CRB1: variants seen among roughly 807,000 people sequenced by gnomAD.
CRB1 encodes the protein protein crumbs homolog 1.
A neutral mutation model predicts 120.0 loss-of-function variants in CRB1; 83 were observed. The ratio of observed to expected loss-of-function variants is 0.69; its 90% confidence interval spans 0.58 to 0.83. The LOEUF is 0.83. CRB1 is among the 40% of genes least tolerant of loss of function. The pLI is 0.00. For synonymous variants in CRB1, 625 were observed against 612.5 expected (o/e 1.02, Z -0.30); for missense variants, 1,699 against 1,687.6 (o/e 1.01, Z -0.12).
chr1:197,216,310 A>G, the CRB1 span, among the ~76,000 whole-genome samples: 11 of 152,332 alleles, frequency 7.2e-5, no homozygotes, highest in African/African-American at 2.4e-4. Flanking sequence ...CTACTCACCT[A>G]TGGAACCAAA....
intron 11 of CRB1, among the ~76,000 whole-genome samples, chr1:197,462,520 G>T (rs1195382245): frequency 6.6e-6 from 1 of 152,098 alleles, no homozygotes; most frequent in African/African-American, 2.4e-5. Flanking sequence ...CCCTCAGTTT[G>T]CCCTGAAATA....
intron 5 of CRB1, among the ~76,000 whole-genome samples, chr1:197,372,386 C>T (rs2125384772): frequency 6.6e-6 from 1 of 152,286 alleles, no homozygotes; most frequent in African/African-American, 2.4e-5. Flanking sequence ...AAACGAGCAA[C>T]ACTAACCCCC....
chr1:197,461,297 C>T (rs1447512898), intron 11 of CRB1, among the ~76,000 whole-genome samples: 1 of 152,076 alleles, frequency 6.6e-6, no homozygotes. Flanking sequence ...AGTCTTCTGC[C>T]TTGAAACAGA....
At chr1:197,322,345 C>T (rs962168938) in intron 1 of CRB1, among the ~76,000 whole-genome samples, 2 of 151,854 alleles carry the variant, frequency 1.3e-5, no homozygotes, top group East Asian at 3.9e-4. Flanking sequence ...TCCCTGGAAT[C>T]CCAGCTACTC....
At chr1:197,223,969 T>C in the CRB1 span, among the ~76,000 whole-genome samples, 1 of 152,146 alleles carries the variant, frequency 6.6e-6, no homozygotes, top group East Asian at 1.9e-4. Flanking sequence ...TTTAGTTCAG[T>C]AACTTCTCCC....
intron 1 of CRB1, 99 bp from the exon 2 acceptor site, chr1:197,328,323 T>G (rs1658638164): frequency 1.1e-6 from 1 of 899,490 alleles, no homozygotes; most frequent in African/African-American, 1.7e-5. Flanking sequence ...TGTATTTTAT[T>G]AATGAGTTTG....
intron 1 of CRB1, among the ~76,000 whole-genome samples, chr1:197,286,429 T>C (rs958202903): frequency 2.0e-5 from 3 of 151,922 alleles, no homozygotes; most frequent in Non-Finnish European, 4.4e-5. Context: ...TAGAACAGAA[T>C]TAAAACTTCT....
intron 5 of CRB1, among the ~76,000 whole-genome samples, chr1:197,405,875 G>A (rs537060562): frequency 2.0e-4 from 31 of 151,650 alleles, no homozygotes; most frequent in South Asian, 6.3e-4. Flanking sequence ...GAGCGTCTCC[G>A]CCCCGCAGCC....
the CRB1 span, among the ~76,000 whole-genome samples, chr1:197,219,664 C>T: frequency 6.6e-6 from 1 of 152,228 alleles, no homozygotes; most frequent in African/African-American, 2.4e-5. Context: ...CATTACTCCT[C>T]TTAGCTTTGC....
chr1:197,427,819 A>G lies in CRB1; in HGVS notation c.2494A>G (p.Ile832Val). Residue 832 changes from isoleucine to valine, a missense_variant, in exon 7 of 12, where the codon ATT (isoleucine) becomes GTT (valine). By Grantham distance (29) the Ile-to-Val change is conservative. Coordinates refer to ENST00000367400, the MANE Select transcript of CRB1 (RefSeq NM_201253.3). ...WKIEKGDVIY[I>V]GGLPDKQETE... The stretch of plus-strand genomic sequence containing the variant: ...AATCGAAAAGGGAGATGTCATCTAC[A>G]TTGGTGGCCTACCTGACAAGCAAGA... 6.2e-7 allele frequency: 1 copy of G among 1,614,106 alleles called. No homozygotes were observed. The highest frequency in any genetic ancestry group is 2.2e-5 in the East Asian group (1 of 44,882).
At chr1:197,453,926 TTATATTATTAATAATA>T (rs1666143617) in intron 11 of CRB1, among the ~76,000 whole-genome samples, 3 of 41,668 alleles carry the variant, frequency 7.2e-5, no homozygotes, top group Admixed American at 2.5e-4. Flanking sequence ...ATTGATATTA[TTATATTATTAATAATA>T]TATATTATTG....
At chr1:197,473,994 A>G (rs889516161) in intron 11 of CRB1, among the ~76,000 whole-genome samples, 3 of 152,196 alleles carry the variant, frequency 2.0e-5, no homozygotes, top group Non-Finnish European at 4.4e-5. Context: ...TCTTTCATCA[A>G]AAACTTTATA....
Position 197,329,331 on chromosome 1 carries a change from C to T in CRB1, c.652+328C>T, listed in dbSNP as rs10449275. Among the ~76,000 whole-genome samples the T allele has an allele frequency of 5.6e-3, 860 of 152,294 alleles. 9 individuals are homozygous for T. Among genetic ancestry groups the T allele is most frequent in the African/African-American group, 0.019 (781 of 41,558 alleles). On this transcript the variant is annotated intron_variant, in intron 2 of 11. Transcript: ENST00000367400. ...AGTGCATGTTCCTTTCATTCCAGTT[C>T]AAGCCTGCTTTCTAATCCCCAAAGC...
At chr1:197,389,523 C>A (rs996846156) in intron 5 of CRB1, among the ~76,000 whole-genome samples, 6 of 151,952 alleles carry the variant, frequency 3.9e-5, no homozygotes, top group African/African-American at 1.2e-4. Context: ...ATGGCGACTG[C>A]CAGGGGCTGA....
Position 197,377,196 on chromosome 1 carries a change from G to A in CRB1, c.1171+20183G>A, listed in dbSNP as rs114073502. ...ATTACTTATCACTGTGTGATCTTAC[G>A]CACACACACAGACACACACACTTCC... On this transcript the variant is annotated intron_variant, in intron 5 of 11. Coordinates refer to ENST00000367400, the MANE Select transcript of CRB1 (RefSeq NM_201253.3). Among the ~76,000 whole-genome samples the A allele has an allele frequency of 3.3e-3, 500 of 151,656 alleles. 1 individual carries two copies. Among genetic ancestry groups the A allele is most frequent in the African/African-American group, 0.011 (469 of 41,322 alleles).
At chr1:197,393,952 C>T (rs1662640311) in intron 5 of CRB1, among the ~76,000 whole-genome samples, 1 of 151,968 alleles carries the variant, frequency 6.6e-6, no homozygotes, top group Non-Finnish European at 1.5e-5. Flanking sequence ...TTAGAATCTC[C>T]CTATATATAA....
At chr1:197,466,328 T>A (rs1666749075) in intron 11 of CRB1, among the ~76,000 whole-genome samples, 2 of 152,220 alleles carry the variant, frequency 1.3e-5, no homozygotes, top group South Asian at 4.1e-4. Flanking sequence ...GTCTCACAAC[T>A]GTTGAAAATT....
rs192305368 is a variant in CRB1, at chr1:197,329,939, C to A, written c.652+936C>A. 6.9e-4 allele frequency among the ~76,000 whole-genome samples: 105 copies of A among 152,288 alleles called. 1 individual carries two copies. The highest frequency in any genetic ancestry group is 1.9e-3 in the African/African-American group (80 of 41,548). On this transcript the variant is annotated intron_variant, in intron 2 of 11. Coordinates refer to ENST00000367400, the MANE Select transcript of CRB1 (RefSeq NM_201253.3). Reference sequence around the variant, plus strand: ...TACCTTCCTGAAAGCCTTCCTGAGGCTTTCAGCTTTTAAACTTGCCTTCTT... The same window carrying A: ...TACCTTCCTGAAAGCCTTCCTGAGGATTTCAGCTTTTAAACTTGCCTTCTT...
intron 4 of CRB1, among the ~76,000 whole-genome samples, chr1:197,350,106 CAAAA>C (rs551040523): frequency 3.0e-5 from 2 of 65,742 alleles, no homozygotes; most frequent in African/African-American, 4.3e-5. Context: ...GACTCCGTCT[CAAAA>C]AAAAAAAAAA....
Sources: allele counts gnomAD v4.1 joint callset (sites outside exome capture counted in the v4.1 genomes callset), GRCh38; gene constraint gnomAD v4.1.1; transcripts MANE v1.5; gene names NCBI Gene and HGNC (gene_info 2026-07-23, HGNC 2026-07-21).